The following TBC1D21 variants were observed in gnomAD, a reference collection of about 807,000 sequenced individuals.
TBC1D21 encodes the protein TBC1 domain family member 21.
Under a neutral mutation model 46.0 loss-of-function variants are expected in TBC1D21, and 38 were observed. That is an observed-to-expected ratio of 0.83 (90% CI 0.64 to 1.08). TBC1D21 has a LOEUF of 1.08. Ranked by LOEUF, TBC1D21 falls within the 50% of genes least tolerant of loss-of-function variation. The pLI is 0.00. For synonymous variants in TBC1D21, 151 were observed against 157.2 expected (o/e 0.96, Z 0.29); for missense variants, 415 against 417.9 (o/e 0.99, Z 0.06).
At chr15:73,881,923 T>C (rs2068163371) in intron 3 of TBC1D21, among the ~76,000 whole-genome samples, 176 bp downstream of exon 3, 1 of 151,994 alleles carries the variant, frequency 6.6e-6, no homozygotes, top group South Asian at 2.1e-4. Context: ...GCCAGTGCCT[T>C]CTCTCCCTGA....
intron 1 of TBC1D21, among the ~76,000 whole-genome samples, chr15:73,878,368 C>A (rs1025590119): frequency 3.3e-5 from 5 of 152,144 alleles, no homozygotes; most frequent in Non-Finnish European, 4.4e-5. Flanking sequence ...AATTTGCTGA[C>A]CCCTGGTCTA....
chr15:73,883,712 C>G lies in TBC1D21; in HGVS notation c.273-439C>G, dbSNP rs554572345. On this transcript the variant is annotated intron_variant, in intron 3 of 10. Coordinates refer to ENST00000300504, the MANE Select transcript of TBC1D21 (RefSeq NM_153356.3). The stretch of plus-strand genomic sequence containing the variant: ...TTTTTGGAGGCCACCATGCGGCCAG[C>G]AATACCAACTAATCATATTCTAATA... Among the ~76,000 whole-genome samples the G allele has an allele frequency of 7.2e-5, 11 of 152,344 alleles. No homozygotes were observed. In the South Asian group the frequency reaches 2.1e-3, roughly 29 times the overall value.
At chr15:73,899,653 C>T in the TBC1D21 span, among the ~76,000 whole-genome samples, 2 of 152,200 alleles carry the variant, frequency 1.3e-5, no homozygotes, top group Admixed American at 1.3e-4. Flanking sequence ...AAAAGAGGAA[C>T]AGCCGTCGCC....
the TBC1D21 span, among the ~76,000 whole-genome samples, chr15:73,902,034 G>T: frequency 6.6e-6 from 1 of 151,934 alleles, no homozygotes; most frequent in East Asian, 1.9e-4. Flanking sequence ...GGCTGGTCTC[G>T]AACTCCTGGC....
Position 73,873,759 on chromosome 15 carries a change from C to A in TBC1D21, c.50C>A (p.Ser17Tyr), listed in dbSNP as rs1302720604. ...ENSLSARQSA[S>Y]FILVKRKPPI... ...AGCCTCTCTGCCAGACAGTCAGCCT[C>A]CTTCATCCTGGTGCGTGTTCTTTGT... The change falls in exon 1 of 11, where the codon TCC becomes TAC. Residue 17 changes from serine (S) to tyrosine (Y), a missense_variant. Physicochemically the swap from Ser to Tyr is moderately radical, Grantham distance 144. Coordinates refer to ENST00000300504, the MANE Select transcript of TBC1D21 (RefSeq NM_153356.3). The A allele has an allele frequency of 4.3e-6, 7 of 1,610,466 alleles. No homozygotes were observed. The Admixed American group carries it at 6.7e-5, about 15-fold the overall frequency.
At chr15:73,903,455 C>A in the TBC1D21 span, among the ~76,000 whole-genome samples, 2 of 152,198 alleles carry the variant, frequency 1.3e-5, no homozygotes, top group African/African-American at 4.8e-5. Flanking sequence ...GGGGGCTGAA[C>A]CTCAGTGTTC....
At chr15:73,898,095 G>T in the TBC1D21 span, among the ~76,000 whole-genome samples, 1 of 152,202 alleles carries the variant, frequency 6.6e-6, no homozygotes, top group Non-Finnish European at 1.5e-5. Context: ...TGGTAATGAG[G>T]GCAGTCTGGA....
At chr15:73,885,168 T>C (rs1302784637) in intron 6 of TBC1D21, 65 bp downstream of exon 6, 2 of 1,444,478 alleles carry the variant, frequency 1.4e-6, no homozygotes, top group Non-Finnish European at 1.9e-6. Flanking sequence ...CAAACAACTC[T>C]TTGAGGATGG....
chr15:73,904,924 G>A, the TBC1D21 span, among the ~76,000 whole-genome samples: 10 of 152,188 alleles, frequency 6.6e-5, no homozygotes, highest in African/African-American at 1.7e-4. Context: ...AACAGAGAGC[G>A]AGAGACAGCT....
In TBC1D21 at chr15:73,889,156, G is replaced by A; in HGVS notation, c.*55G>A. ...CTTCGATGGGCAGGATGAAGGCCAG[G>A]GGCACTGGAGTGAGGGAGTAGATAA... On this transcript the variant is annotated 3_prime_UTR_variant, in exon 11 of 11. Coordinates refer to ENST00000300504, the MANE Select transcript of TBC1D21 (RefSeq NM_153356.3). The A allele has an allele frequency of 6.3e-7, 1 of 1,585,372 alleles. No individual in the cohort carries two copies. Among genetic ancestry groups the A allele is most frequent in the South Asian group, 1.1e-5 (1 of 88,396 alleles).
At chr15:73,886,004 G>C in intron 6 of TBC1D21, 74 bp from the exon 7 acceptor site, 1 of 1,277,664 alleles carries the variant, frequency 7.8e-7, no homozygotes, top group Admixed American at 1.7e-5. Flanking sequence ...AGTGAAGCTG[G>C]GGGAAGCAGA....
the TBC1D21 span, among the ~76,000 whole-genome samples, chr15:73,906,576 G>A: frequency 1.3e-5 from 2 of 152,152 alleles, no homozygotes. Context: ...TCTGTGGGAG[G>A]AGGAGGCAGG....
intron 6 of TBC1D21, 45 bp downstream of exon 6, chr15:73,885,148 C>T (rs765392495): frequency 1.3e-6 from 2 of 1,531,810 alleles, no homozygotes; most frequent in Non-Finnish European, 1.8e-6. Flanking sequence ...CCCAACCCCC[C>T]ACTACTCCCC....
At chr15:73,898,793 G>A in the TBC1D21 span, among the ~76,000 whole-genome samples, 1 of 147,264 alleles carries the variant, frequency 6.8e-6, no homozygotes, top group Non-Finnish European at 1.5e-5. Flanking sequence ...GAACCCGGGA[G>A]GTGGAGGTTG....
intron 3 of TBC1D21, among the ~76,000 whole-genome samples, chr15:73,883,220 G>A (rs1381026121): frequency 2.0e-5 from 3 of 152,234 alleles, no homozygotes; most frequent in Non-Finnish European, 2.9e-5. Flanking sequence ...AGAGTGACCC[G>A]GGGTGGGACG....
intron 3 of TBC1D21, among the ~76,000 whole-genome samples, chr15:73,882,926 T>G (rs1380975858): frequency 6.6e-6 from 1 of 152,202 alleles, no homozygotes; most frequent in East Asian, 1.9e-4. Flanking sequence ...CCCTCCCAGG[T>G]TGAATGCAAA....
intron 1 of TBC1D21, among the ~76,000 whole-genome samples, chr15:73,876,400 GT>G (rs71137360): frequency 3.8e-5 from 5 of 131,610 alleles, no homozygotes; most frequent in Admixed American, 1.5e-4. Context: ...GGTAATTTTT[GT>G]TTTTTTTTTT....
At chr15:73,905,508 G>C in the TBC1D21 span, among the ~76,000 whole-genome samples, 1 of 152,166 alleles carries the variant, frequency 6.6e-6, no homozygotes, top group East Asian at 1.9e-4. Context: ...ACCTTGTCCA[G>C]TGGTGTGCTG....
At chr15:73,905,243 C>G in the TBC1D21 span, among the ~76,000 whole-genome samples, 1 of 152,198 alleles carries the variant, frequency 6.6e-6, no homozygotes, top group Non-Finnish European at 1.5e-5. Context: ...GCATTAAATC[C>G]CTCAGTAATT....
Sources: gnomAD v4.1 joint callset for allele counts (sites outside exome capture counted in the v4.1 genomes callset) on GRCh38, gnomAD v4.1.1 for gene constraint, MANE v1.5 for transcripts, NCBI Gene and HGNC (gene_info 2026-07-23, HGNC 2026-07-21) for gene names.